Variants in STK32C observed in about 807,000 individuals in gnomAD.
STK32C encodes the protein serine/threonine kinase 32C.
Under a neutral mutation model 56.5 loss-of-function variants are expected in STK32C, and 31 were observed. That is an observed-to-expected ratio of 0.55 (90% CI 0.41 to 0.74). STK32C has a LOEUF of 0.74. STK32C is among the 30% of genes least tolerant of loss of function. STK32C has a pLI of 0.00. For synonymous variants in STK32C, 309 were observed against 289.4 expected, an observed-to-expected ratio of 1.07 and a Z score of -0.69; for missense variants, 544 against 676.9, an observed-to-expected ratio of 0.80 and a Z score of 2.18.
intron 10 of STK32C, among the ~76,000 whole-genome samples, chr10:132,217,725 T>C (rs1422116389): frequency 6.6e-6 from 1 of 152,078 alleles, no homozygotes; most frequent in Non-Finnish European, 1.5e-5. Context: ...GATCCGATGG[T>C]TTTAAAAACA....
chr10:132,317,740 G>T (rs1163121265), intron 1 of STK32C, among the ~76,000 whole-genome samples: 1 of 151,984 alleles, frequency 6.6e-6, no homozygotes, highest in Non-Finnish European at 1.5e-5. Flanking sequence ...AAATAAAAAT[G>T]AGGCCAAGGC....
At chr10:132,251,246 C>T (rs1237186881) in intron 1 of STK32C, among the ~76,000 whole-genome samples, 4 of 152,220 alleles carry the variant, frequency 2.6e-5, no homozygotes, top group Non-Finnish European at 5.9e-5. Context: ...GTCCCAAGTC[C>T]GCTCTCATGG....
intron 1 of STK32C, among the ~76,000 whole-genome samples, chr10:132,331,068 G>T (rs1280687727): frequency 2.6e-5 from 4 of 151,322 alleles, no homozygotes; most frequent in Admixed American, 1.3e-4. Flanking sequence ...GGACGTGGTG[G>T]CGCGCGCCTG....
chr10:132,310,479 G>A (rs1417016093), upstream of STK32C, among the ~76,000 whole-genome samples: 3 of 152,274 alleles, frequency 2.0e-5, no homozygotes, highest in East Asian at 5.8e-4. The surrounding 1 kb of genome is among the most constrained non-coding windows in gnomAD (Gnocchi z 4.6). Flanking sequence ...GTCAGGAACT[G>A]CTGTCCCCAA....
At chr10:132,220,623 C>CA (rs1363506465) in intron 10 of STK32C, among the ~76,000 whole-genome samples, 3 of 152,224 alleles carry the variant, frequency 2.0e-5, no homozygotes, top group African/African-American at 7.2e-5. Flanking sequence ...CATCAGCCCC[C>CA]AAAAGTCCCA....
At chr10:132,270,137 G>A (rs956162873) in intron 1 of STK32C, among the ~76,000 whole-genome samples, 1 of 152,242 alleles carries the variant, frequency 6.6e-6, no homozygotes, top group African/African-American at 2.4e-5. Context: ...GGCCGAGAGA[G>A]CCCACCCCAC....
At chr10:132,276,445 C>T (rs907205063) in intron 1 of STK32C, among the ~76,000 whole-genome samples, 2 of 152,174 alleles carry the variant, frequency 1.3e-5, no homozygotes, top group Non-Finnish European at 2.9e-5. Context: ...AGAAGGACAT[C>T]ACCACAGGCA....
At chr10:132,263,207 G>T (rs1392113236) in intron 1 of STK32C, among the ~76,000 whole-genome samples, 1 of 152,260 alleles carries the variant, frequency 6.6e-6, no homozygotes, top group South Asian at 2.1e-4. Flanking sequence ...CATCCACGGT[G>T]GACTGGATAA....
At chr10:132,293,239 C>T (rs773680433) in intron 1 of STK32C, among the ~76,000 whole-genome samples, 75 of 152,182 alleles carry the variant, frequency 4.9e-4, no homozygotes, top group Non-Finnish European at 7.8e-4. Context: ...GCTACTCTCA[C>T]GGTCCCTCCA....
chr10:132,261,446 C>T (rs2064304208), intron 1 of STK32C, among the ~76,000 whole-genome samples: 1 of 152,112 alleles, frequency 6.6e-6, no homozygotes, highest in Non-Finnish European at 1.5e-5. Context: ...AAGAGCTCTA[C>T]AAGGGGAACT....
Position 132,238,669 on chromosome 10 carries a change from G to A in STK32C, c.318+7231C>T, listed in dbSNP as rs528924781. Among the ~76,000 whole-genome samples, 6 of 152,304 alleles carry A rather than the reference G, an allele frequency of 3.9e-5. No individual in the cohort carries two copies. The South Asian group carries it at 1.2e-3, about 32-fold the overall frequency. Reference sequence around the variant, plus strand: ...GCATTTGAAAGGCAACCAAAGGCAAGTGTTTCTGATCTCTAGGAAGTGGCT... The same window carrying A: ...GCATTTGAAAGGCAACCAAAGGCAAATGTTTCTGATCTCTAGGAAGTGGCT... On this transcript the variant is annotated intron_variant, in intron 2 of 11. Coordinates refer to ENST00000298630, the MANE Select transcript of STK32C (RefSeq NM_173575.4).
chr10:132,211,764 A>C (rs2062308800), intron 10 of STK32C, among the ~76,000 whole-genome samples: 1 of 152,186 alleles, frequency 6.6e-6, no homozygotes, highest in Admixed American at 6.5e-5. Context: ...TTGAGAGCCC[A>C]GCTCCCTCAG....
Position 132,280,236 on chromosome 10 carries a change from CCACACCGTGACCACGCCCCTG to C in STK32C, c.262+27315_262+27335del, listed in dbSNP as rs1377804960. On this transcript the variant is annotated intron_variant, in intron 1 of 11. Coordinates refer to ENST00000298630, the MANE Select transcript of STK32C (RefSeq NM_173575.4). Reference sequence around the variant, plus strand: ...GCACTCTGTGATCACGCTGAGGCCTCCACACCGTGACCACGCCCCTGCACCCCGTGACCACGCCCCTGCACC... The same window carrying C: ...GCACTCTGTGATCACGCTGAGGCCTCCACCCCGTGACCACGCCCCTGCACC... Among the ~76,000 whole-genome samples, 646 of 131,048 alleles carry C rather than the reference CCACACCGTGACCACGCCCCTG, an allele frequency of 4.9e-3. 5 individuals carry two copies. Among genetic ancestry groups the C allele is most frequent in the African/African-American group, 0.017 (575 of 32,996 alleles). 86.0% of individuals were successfully genotyped at this position (131,048 alleles called of 152,430 possible).
At chr10:132,308,624 G>T (rs1205304315), upstream of STK32C, among the ~76,000 whole-genome samples, 2 of 152,104 alleles carry the variant, frequency 1.3e-5, no homozygotes, top group Non-Finnish European at 2.9e-5. Context: ...GGGCGCCTGG[G>T]GTGGGCGCTA....
At position 132,327,537 on chromosome 10, in the gene STK32C, A is replaced by G. The variant is rs561616380; in HGVS notation, c.302-3164T>C. 1.9e-3 allele frequency among the ~76,000 whole-genome samples: 292 copies of G among 151,902 alleles called. 2 individuals carry two copies. The highest frequency in any genetic ancestry group is 3.4e-3 in the Middle Eastern group (1 of 294). ...GTCACCCAGGCTGGAGTGCAGTGGC[A>G]TGCTCTCGGCTCACTGCAACCTTTG... On this transcript the variant is annotated intron_variant, in intron 1 of 1. Transcript: ENST00000368619.
chr10:132,256,723 C>A (rs2064137486), intron 1 of STK32C, among the ~76,000 whole-genome samples: 1 of 152,186 alleles, frequency 6.6e-6, no homozygotes, highest in Non-Finnish European at 1.5e-5. Flanking sequence ...CAGGGCCCAG[C>A]ACCCCAGGAC....
At chr10:132,296,436 G>A (rs1375585076) in intron 1 of STK32C, among the ~76,000 whole-genome samples, 3 of 152,084 alleles carry the variant, frequency 2.0e-5, no homozygotes, top group South Asian at 2.1e-4. Context: ...AGACGGTGAC[G>A]TAAGGGGAAA....
At chr10:132,231,432 A>G (rs1458664255) in intron 2 of STK32C, among the ~76,000 whole-genome samples, 2 of 152,196 alleles carry the variant, frequency 1.3e-5, no homozygotes, top group Non-Finnish European at 2.9e-5. Flanking sequence ...GAACATTCTC[A>G]GCTCAACTGC....
intron 1 of STK32C, chr10:132,249,133 T>A (rs754677464): frequency 3.9e-5 from 17 of 439,280 alleles, no homozygotes; most frequent in Middle Eastern, 4.8e-4. Flanking sequence ...GGCTGTGGCG[T>A]CAGGGCGTGC....
Sources: allele counts gnomAD v4.1 joint callset (sites outside exome capture counted in the v4.1 genomes callset), GRCh38; gene constraint gnomAD v4.1.1; non-coding constraint Gnocchi (gnomAD v3.1); transcripts MANE v1.5; gene names NCBI Gene and HGNC (gene_info 2026-07-23, HGNC 2026-07-21).